PAQR8: variants seen among roughly 807,000 people sequenced by gnomAD.
PAQR8 encodes the protein progestin and adipoQ receptor family member 8.
PAQR8 carries 17 observed loss-of-function variants against 25.2 expected under a neutral mutation model. The ratio of observed to expected loss-of-function variants is 0.67; its 90% CI spans 0.46 to 1.01. The LOEUF (loss-of-function observed/expected upper bound fraction) is 1.01. Ranked by LOEUF, PAQR8 falls within the 50% of genes least tolerant of loss-of-function variation. The pLI is 0.00. For missense variants in PAQR8, 392 were observed against 448.4 expected (o/e 0.87, Z 1.14); for synonymous variants, 204 against 190.6 (o/e 1.07, Z -0.58).
intron 1 of PAQR8, among the ~76,000 whole-genome samples, chr6:52,384,095 G>A (rs1763600539): frequency 2.0e-5 from 3 of 152,134 alleles, no homozygotes; most frequent in Non-Finnish European, 4.4e-5. Context: ...GGGGTTTCAG[G>A]GAAGCGGGAG....
At chr6:52,393,003 G>T (rs1218937458) in intron 1 of PAQR8, among the ~76,000 whole-genome samples, 2 of 152,208 alleles carry the variant, frequency 1.3e-5, no homozygotes, top group African/African-American at 4.8e-5. Context: ...AAGCAGTATT[G>T]CAGCAGCATA....
intron 1 of PAQR8, among the ~76,000 whole-genome samples, chr6:52,385,253 T>C (rs865859074): frequency 1.1e-4 from 16 of 152,226 alleles, no homozygotes; most frequent in South Asian, 2.1e-4. Flanking sequence ...CCTCTCATTC[T>C]CTCTCTACTG....
chr6:52,385,133 T>C (rs1403145027), intron 1 of PAQR8, among the ~76,000 whole-genome samples: 3 of 152,164 alleles, frequency 2.0e-5, no homozygotes, highest in African/African-American at 7.2e-5. Context: ...TGGGAGATAA[T>C]TGGATCATGG....
At chr6:52,374,329 A>T (rs544574482) in intron 1 of PAQR8, among the ~76,000 whole-genome samples, 1 of 152,296 alleles carries the variant, frequency 6.6e-6, no homozygotes, top group African/African-American at 2.4e-5. Flanking sequence ...CCTGCTTAAT[A>T]GTTTCCTTTG....
At chr6:52,389,351 CTGTT>C (rs1288726766) in intron 1 of PAQR8, among the ~76,000 whole-genome samples, 2 of 152,150 alleles carry the variant, frequency 1.3e-5, no homozygotes, top group Non-Finnish European at 2.9e-5. Flanking sequence ...TTTCCTCTGA[CTGTT>C]TGCTGATAGA....
intron 1 of PAQR8, among the ~76,000 whole-genome samples, chr6:52,366,361 ACAT>A (rs1763353678): frequency 1.3e-5 from 2 of 152,192 alleles, no homozygotes; most frequent in Non-Finnish European, 2.9e-5. Flanking sequence ...AAGTTCATTC[ACAT>A]CATGTGCTCT....
At position 52,404,088 on chromosome 6, in the gene PAQR8, G is replaced by A. The variant is rs775787645; in HGVS notation, c.875G>A (p.Cys292Tyr). 4.3e-6 allele frequency: 7 copies of A among 1,614,228 alleles called. No individual in the cohort carries two copies. The Admixed American group carries it at 1.2e-4, about 27-fold the overall frequency. The change falls in exon 2 of 2, where the codon TGT becomes TAT. Residue 292 changes from cysteine (C) to tyrosine (Y), a missense_variant. Coordinates refer to ENST00000442253, the MANE Select transcript of PAQR8 (RefSeq NM_133367.5). ...ATCTTCCATGCATTTCTGTCCATCT[G>A]TACGCTCTCCCAGCTGGAGGCCATC... Reference protein sequence around the residue: ...HQIFHAFLSICTLSQLEAILL... With the variant: ...HQIFHAFLSIYTLSQLEAILL...
At position 52,385,484 on chromosome 6, in the gene PAQR8, T is replaced by C. The variant is rs6935204; in HGVS notation, c.-52-17678T>C. Among the ~76,000 whole-genome samples, 1,411 of 152,334 alleles carry C rather than the reference T, an allele frequency of 9.3e-3. 26 individuals are homozygous for C. Among genetic ancestry groups the C allele is most frequent in the African/African-American group, 0.032 (1,320 of 41,560 alleles). ...AATCTAGGAAGTACCCTTCTCGACA[T>C]AGGCCTTGGGGAAGATTTATAACTA... is the stretch of plus-strand genomic sequence containing the variant. On this transcript the variant is annotated intron_variant, in intron 1 of 1. Coordinates refer to ENST00000442253, the MANE Select transcript of PAQR8 (RefSeq NM_133367.5).
chr6:52,383,527 G>A (rs1263245149), intron 1 of PAQR8, among the ~76,000 whole-genome samples: 2 of 151,768 alleles, frequency 1.3e-5, no homozygotes, highest in Admixed American at 6.6e-5. Flanking sequence ...CGGGCGTGGT[G>A]GCGGGCGCCT....
At chr6:52,364,300 A>G (rs139405342) in intron 1 of PAQR8, among the ~76,000 whole-genome samples, 1 of 152,230 alleles carries the variant, frequency 6.6e-6, no homozygotes, top group Non-Finnish European at 1.5e-5. Context: ...TATTCATTTT[A>G]CAAGAATCAT....
At chr6:52,371,838 G>C (rs541137236) in intron 1 of PAQR8, among the ~76,000 whole-genome samples, 1 of 152,310 alleles carries the variant, frequency 6.6e-6, no homozygotes, top group Admixed American at 6.5e-5. Context: ...GAGATGAAGT[G>C]GCTAGTGCAA....
At chr6:52,370,223 T>C (rs11963163) in intron 1 of PAQR8, among the ~76,000 whole-genome samples, 9,751 of 152,116 alleles carry the variant, frequency 0.064, 434 homozygotes, top group South Asian at 0.12. Flanking sequence ...ATCTTAGATT[T>C]TTGTAGGTCT....
Position 52,395,377 on chromosome 6 carries a change from T to C in PAQR8, c.-52-7785T>C, listed in dbSNP as rs535082354. Among the ~76,000 whole-genome samples, 8 of 152,198 alleles carry C rather than the reference T, an allele frequency of 5.3e-5. No individual in the cohort carries two copies. The Middle Eastern group carries it at 0.01, about 194-fold the overall frequency. On this transcript the variant is annotated intron_variant, in intron 1 of 1. Transcript: ENST00000442253. ...ACATTAAGTGAATTCATGGTACATA[T>C]ACTCAGTAAATAGAACTTTTAATTC...
intron 1 of PAQR8, among the ~76,000 whole-genome samples, chr6:52,398,511 G>T (rs1282108036): frequency 6.6e-6 from 1 of 150,838 alleles, no homozygotes; most frequent in Non-Finnish European, 1.5e-5. Flanking sequence ...CGTGACCTTA[G>T]AATTTTTCAT....
rs1236142581 is a variant in PAQR8, at chr6:52,404,437, TTTGTTG to T, written c.*165_*170del. 6.9e-6 allele frequency: 5 copies of T among 725,492 alleles called. No individual in the cohort carries two copies. Among genetic ancestry groups the T allele is most frequent in the Non-Finnish European group, 1.1e-5 (5 of 448,110 alleles). The allele number at this position is 725,492 out of a possible 1,614,324, so 44.9% of individuals were successfully genotyped here. On this transcript the variant is annotated 3_prime_UTR_variant, in exon 2 of 2. Transcript: ENST00000442253. ...TTTGAAAGCCAAAGGATTTAAGAGT[TTTGTTG>T]TTGTTAATAAAAGGAATACTCCTTT... is the stretch of plus-strand genomic sequence containing the variant.
chr6:52,399,441 G>C (rs939837281), intron 1 of PAQR8, among the ~76,000 whole-genome samples: 3 of 152,186 alleles, frequency 2.0e-5, no homozygotes, highest in Non-Finnish European at 2.9e-5. Flanking sequence ...CAAAGTTTTA[G>C]TCTTTAGAAA....
intron 1 of PAQR8, among the ~76,000 whole-genome samples, chr6:52,374,483 A>G (rs1763458988): frequency 6.6e-6 from 1 of 152,092 alleles, no homozygotes; most frequent in Admixed American, 6.5e-5. Context: ...GTGTAATCAT[A>G]GCTCACTGTG....
At chr6:52,397,322 A>G (rs77296591) in intron 1 of PAQR8, among the ~76,000 whole-genome samples, 2,431 of 152,074 alleles carry the variant, frequency 0.016, 26 homozygotes, top group South Asian at 0.048. Context: ...CTATGCTCTT[A>G]TTTTGCCTCT....
At position 52,383,976 on chromosome 6, in the gene PAQR8, A is replaced by G. The variant is rs1763598485; in HGVS notation, c.-52-19186A>G. ...CAAAATCAGTCAGGAGGTTATCACC[A>G]TTAGTGTAACTGGAACAGGGTATGG... On this transcript the variant is annotated intron_variant, in intron 1 of 1. Coordinates refer to ENST00000442253, the MANE Select transcript of PAQR8 (RefSeq NM_133367.5). 2.0e-5 allele frequency among the ~76,000 whole-genome samples: 3 copies of G among 152,322 alleles called. No individual in the cohort carries two copies. In the South Asian group the frequency reaches 6.2e-4, roughly 32 times the overall value.
Sources: gnomAD v4.1 joint callset for allele counts (sites outside exome capture counted in the v4.1 genomes callset) on GRCh38, gnomAD v4.1.1 for gene constraint, MANE v1.5 for transcripts, NCBI Gene and HGNC (gene_info 2026-07-23, HGNC 2026-07-21) for gene names.